The following AP2A1 variants were observed in gnomAD, a reference collection of about 807,000 sequenced individuals.
The protein encoded by AP2A1 is AP-2 complex subunit alpha-1.
Under a neutral mutation model 107.3 loss-of-function variants are expected in AP2A1, and 21 were observed. The ratio of observed to expected loss-of-function variants is 0.20; its 90% CI spans 0.14 to 0.28. AP2A1 has a LOEUF of 0.28. Among genes scored for constraint, AP2A1 ranks in the 10% least tolerant of loss-of-function variants. AP2A1 has a pLI of 1.00. For synonymous variants in AP2A1, 602 were observed against 564.8 expected (o/e 1.07, Z -0.93); for missense variants, 873 against 1,307.7 (o/e 0.67, Z 5.13).
chr19:49,791,315 G>A (rs887383926), intron 4 of AP2A1, among the ~76,000 whole-genome samples: 2 of 152,028 alleles, frequency 1.3e-5, no homozygotes, highest in Non-Finnish European at 2.9e-5. Flanking sequence ...CTGCCGCCTC[G>A]ACCTCCCAGT....
chr19:49,802,064 G>A lies in AP2A1; in HGVS notation c.2037G>A (p.Gly679=), dbSNP rs2073289358. Residue 679 remains glycine, a synonymous_variant, in exon 15 of 23, where the codon GGG becomes GGA. Coordinates refer to ENST00000354293, the MANE Select transcript of AP2A1 (RefSeq NM_130787.3). ...CACCCCCGGCTTCTGCAGGAGCAGG[G>A]AACCTTCTGGTGGACGTCTTCGATG... ...PAAPPASAGA[G]NLLVDVFDGP... 6.3e-7 allele frequency: 1 copy of A among 1,591,892 alleles called. No individual in the cohort carries two copies. The highest frequency in any genetic ancestry group is 8.5e-7 in the Non-Finnish European group (1 of 1,173,916).
In AP2A1 at chr19:49,788,498, G is replaced by A. The variant is rs1445022257; in HGVS notation, c.474-3437G>A. ...CCCAGAGTCAGGACTCGGGAGATGC[G>A]CTGTGGCTCAGGAGATGTGTGCCGT... is the stretch of plus-strand genomic sequence containing the variant. On this transcript the variant is annotated intron_variant, in intron 4 of 22. Coordinates refer to ENST00000354293, the MANE Select transcript of AP2A1 (RefSeq NM_130787.3). This position sits in a 1 kb window ranked among gnomAD's most constrained non-coding sequence, Gnocchi z 4.5. Among the ~76,000 whole-genome samples, 7 of 151,614 alleles carry A rather than the reference G, an allele frequency of 4.6e-5. No homozygotes were observed. Among genetic ancestry groups the A allele is most frequent in the African/African-American group, 1.2e-4 (5 of 41,204 alleles).
In AP2A1 at chr19:49,795,703, A is replaced by T. The variant is rs766448453; in HGVS notation, c.779A>T (p.Lys260Met). The change falls in exon 7 of 23, where the codon AAG (lysine) becomes ATG (methionine). Residue 260 changes from lysine (K) to methionine (M), a missense_variant. Physicochemically the swap from Lys to Met is moderately conservative, Grantham distance 95. This residue lies in a region of AP2A1 where 157 missense variants were observed against 212.6 expected (regional missense o/e 0.74). Transcript: ENST00000354293. The stretch of plus-strand genomic sequence containing the variant: ...GTCCCAGCACCCTGGCTCTCGGTGA[A>T]GCTCCTGCGGCTGCTGCAGTGCTAC... ...YFVPAPWLSV[K>M]LLRLLQCYPP... 1.2e-5 allele frequency: 19 copies of T among 1,564,844 alleles called. No individual in the cohort carries two copies. In the East Asian group the frequency reaches 3.6e-4, roughly 29 times the overall value.
chr19:49,778,149 T>C (rs2084636153), intron 1 of AP2A1, among the ~76,000 whole-genome samples: 1 of 152,144 alleles, frequency 6.6e-6, no homozygotes, highest in Non-Finnish European at 1.5e-5. Context: ...GTATTAACGA[T>C]GGGGATATGT....
At chr19:49,767,232 C>CG in intron 1 of AP2A1, 32 bp downstream of exon 1, 2 of 1,584,086 alleles carry the variant, frequency 1.3e-6, no homozygotes, top group South Asian at 1.1e-5. Flanking sequence ...ACTGGAGACG[C>CG]GGGGGAGGGG....
chr19:49,770,637 C>T (rs1162762101), intron 1 of AP2A1, among the ~76,000 whole-genome samples: 1 of 152,172 alleles, frequency 6.6e-6, no homozygotes, highest in Non-Finnish European at 1.5e-5. Context: ...ATTACCGGGC[C>T]TTAAAAAATA....
intron 6 of AP2A1, among the ~76,000 whole-genome samples, chr19:49,793,516 T>C (rs1032330361): frequency 6.6e-6 from 1 of 152,178 alleles, no homozygotes; most frequent in East Asian, 1.9e-4. Flanking sequence ...CTGCCTGGCG[T>C]CCCTCTCCCA....
chr19:49,779,511 A>AAC (rs369375626), intron 1 of AP2A1, among the ~76,000 whole-genome samples: 4,256 of 144,570 alleles, frequency 0.029, 293 homozygotes, highest in African/African-American at 0.11. Flanking sequence ...AAAAAAAAAA[A>AAC]CAGAAACAGG....
intron 4 of AP2A1, among the ~76,000 whole-genome samples, chr19:49,787,804 C>G (rs2073092482): frequency 6.6e-6 from 1 of 152,206 alleles, no homozygotes; most frequent in Non-Finnish European, 1.5e-5. Flanking sequence ...CCCCCCAGCC[C>G]CTGGCTGCCA....
intron 4 of AP2A1, among the ~76,000 whole-genome samples, chr19:49,787,817 A>G (rs2073092665): frequency 6.6e-6 from 1 of 152,000 alleles, no homozygotes. Flanking sequence ...GGCTGCCACC[A>G]ATCTGCTTTC....
At chr19:49,783,505 G>C (rs923770105) in intron 4 of AP2A1, among the ~76,000 whole-genome samples, 2 of 152,100 alleles carry the variant, frequency 1.3e-5, no homozygotes, top group African/African-American at 4.8e-5. Flanking sequence ...TGGCAGTGTG[G>C]TCAGCTAGAT....
intron 6 of AP2A1, among the ~76,000 whole-genome samples, chr19:49,793,739 C>G (rs2073174767): frequency 6.6e-6 from 1 of 151,974 alleles, no homozygotes; most frequent in South Asian, 2.1e-4. Context: ...CCATAGGAGG[C>G]ACTTAACACA....
rs2073368758 is a variant in AP2A1 at position 49,805,860 on chromosome 19, C to A, written c.2586-12C>A. On this transcript the variant is annotated splice_polypyrimidine_tract_variant and intron_variant, in intron 20 of 22. Transcript: ENST00000354293. ...CGTCCAGGTCCCTGACTTGAACCTTCCCGGTCCCCAGCCCTCAACAGGAGG... is the reference window on the plus strand; with the variant it reads ...CGTCCAGGTCCCTGACTTGAACCTTACCGGTCCCCAGCCCTCAACAGGAGG... The A allele has an allele frequency of 6.2e-7, 1 of 1,613,656 alleles. No homozygotes were observed. The highest frequency in any genetic ancestry group is 8.5e-7 in the Non-Finnish European group (1 of 1,179,882).
chr19:49,794,905 C>T (rs2073192603), intron 6 of AP2A1, among the ~76,000 whole-genome samples: 1 of 152,126 alleles, frequency 6.6e-6, no homozygotes, highest in Non-Finnish European at 1.5e-5. Context: ...TCAGGTGATC[C>T]ACCCACCTTG....
intron 6 of AP2A1, among the ~76,000 whole-genome samples, chr19:49,794,866 T>C (rs1351959862): frequency 6.6e-6 from 1 of 152,144 alleles, no homozygotes; most frequent in African/African-American, 2.4e-5. Context: ...TTTCACCATG[T>C]TGGTCAGGCT....
chr19:49,794,891 G>A (rs1600234392), intron 6 of AP2A1, among the ~76,000 whole-genome samples: 1 of 152,030 alleles, frequency 6.6e-6, no homozygotes, highest in Non-Finnish European at 1.5e-5. Context: ...TTGAACTCCT[G>A]ATCTCAGGTG....
Position 49,799,758 on chromosome 19 carries a change from G to A in AP2A1, c.1264G>A (p.Glu422Lys). The A allele has an allele frequency of 1.2e-6, 2 of 1,613,238 alleles. No individual in the cohort carries two copies. The highest frequency in any genetic ancestry group is 1.7e-6 in the Non-Finnish European group (2 of 1,179,786). Residue 422 changes from glutamate (E) to lysine (K), a missense_variant, in exon 10 of 23, where the codon GAG (glutamate) becomes AAG (lysine). Transcript: ENST00000354293. ...YLETADYAIR[E>K]EIVLKVAILA... ...GGAGACGGCAGACTACGCCATCCGC[G>A]AGGAGATCGTGAGTGCTGTGGGGTG... is the stretch of plus-strand genomic sequence containing the variant.
At chr19:49,802,435 C>G in intron 15 of AP2A1, 2 of 1,197,320 alleles carry the variant, frequency 1.7e-6, no homozygotes, top group East Asian at 2.5e-5. Flanking sequence ...TCTTCCGTCC[C>G]TCCCTCTCTG....
chr19:49,786,580 G>A (rs770815966), intron 4 of AP2A1, among the ~76,000 whole-genome samples: 17 of 152,194 alleles, frequency 1.1e-4, no homozygotes, highest in Non-Finnish European at 1.6e-4. Context: ...GCAGCCCAGC[G>A]TGTTACGCTC....
Sources: allele counts gnomAD v4.1 joint callset (sites outside exome capture counted in the v4.1 genomes callset), GRCh38; gene constraint gnomAD v4.1.1; regional missense constraint gnomAD v4.1.1; non-coding constraint Gnocchi (gnomAD v3.1); transcripts MANE v1.5; gene names NCBI Gene and HGNC (gene_info 2026-07-23, HGNC 2026-07-21).